SULT1E1: variants seen among roughly 807,000 people sequenced by gnomAD.
The protein encoded by SULT1E1 is sulfotransferase family 1E member 1.
In SULT1E1, 36 loss-of-function variants were observed where a neutral mutation model predicts 33.6. The ratio of observed to expected loss-of-function variants is 1.07; its 90% CI spans 0.82 to 1.41. The LOEUF (loss-of-function observed/expected upper bound fraction) is 1.41. Ranked by LOEUF, SULT1E1 falls within the 40% of genes most tolerant of loss-of-function variation. SULT1E1 has a pLI of 0.00. For synonymous variants in SULT1E1, 121 were observed against 111.7 expected, an observed-to-expected ratio of 1.08 and a Z score of -0.53; for missense variants, 371 against 345.7, an observed-to-expected ratio of 1.07 and a Z score of -0.58.
chr4:69,857,500 CAGATT>C lies in SULT1E1; in HGVS notation c.140_144del (p.Lys47ArgfsTer6). On this transcript the variant is annotated frameshift_variant and splice_region_variant, in exon 2 of 8. Coordinates refer to ENST00000226444, the MANE Select transcript of SULT1E1 (RefSeq NM_005420.3). LOFTEE classifies it high-confidence loss of function. ...AAAAAAGAACAACAAAGAGATTTAC[CAGATT>C]TAGGGTAGGTGGCAATGACAAGATC... is the stretch of plus-strand genomic sequence containing the variant. The C allele has an allele frequency of 6.3e-7, 1 of 1,586,982 alleles. No individual in the cohort carries two copies. Among genetic ancestry groups the C allele is most frequent in the Non-Finnish European group, 8.5e-7 (1 of 1,172,350 alleles).
At chr4:69,828,404 G>A in the SULT1E1 span, among the ~76,000 whole-genome samples, 10 of 152,082 alleles carry the variant, frequency 6.6e-5, no homozygotes, top group South Asian at 1.9e-3. Flanking sequence ...AACCCACCAG[G>A]AGGAACAAAC....
intron 6 of SULT1E1, among the ~76,000 whole-genome samples, chr4:69,845,298 G>A (rs11573786): frequency 0.039 from 5,880 of 151,886 alleles, 130 homozygotes; most frequent in Admixed American, 0.061. Flanking sequence ...TCATTGGAAT[G>A]TTTGTAACAT....
the SULT1E1 span, among the ~76,000 whole-genome samples, chr4:69,823,686 A>T: frequency 6.6e-6 from 1 of 152,184 alleles, no homozygotes; most frequent in Non-Finnish European, 1.5e-5. Context: ...CCCCATGAAC[A>T]TGCCAAGTGG....
chr4:69,829,131 G>T, the SULT1E1 span, among the ~76,000 whole-genome samples: 8 of 152,160 alleles, frequency 5.3e-5, no homozygotes, highest in East Asian at 1.5e-3. Context: ...GGCACTTGCT[G>T]GAATATGTCC....
In SULT1E1 at chr4:69,844,187, T is replaced by A; in HGVS notation, c.746A>T (p.Gln249Leu). 1.2e-6 allele frequency: 2 copies of A among 1,614,016 alleles called. No individual in the cohort carries two copies. The highest frequency in any genetic ancestry group is 1.7e-6 in the Non-Finnish European group (2 of 1,179,932). ...YTTLPDEIMN[Q>L]KLSPFMRKGI... ...CTTTCTCATGAAGGGCGACAATTTC[T>A]GGTTCATAATTTCGTCTGGCAGTGT... The change falls in exon 7 of 8, where the codon CAG (glutamine) becomes CTG (leucine). Residue 249 changes from glutamine (Q) to leucine (L), a missense_variant. Coordinates refer to ENST00000226444, the MANE Select transcript of SULT1E1 (RefSeq NM_005420.3).
At chr4:69,823,516 A>G in the SULT1E1 span, among the ~76,000 whole-genome samples, 145 of 152,020 alleles carry the variant, frequency 9.5e-4, no homozygotes, top group African/African-American at 3.5e-3. Flanking sequence ...CTGCCTTTCT[A>G]TTTCCTTTAG....
the SULT1E1 span, among the ~76,000 whole-genome samples, chr4:69,825,478 T>G: frequency 6.6e-6 from 1 of 152,142 alleles, no homozygotes; most frequent in South Asian, 2.1e-4. Flanking sequence ...GTCCTATTTT[T>G]CCTTAGAATT....
At chr4:69,830,097 A>G in the SULT1E1 span, among the ~76,000 whole-genome samples, 6 of 152,204 alleles carry the variant, frequency 3.9e-5, no homozygotes, top group South Asian at 6.2e-4. Flanking sequence ...CACTGGGTCC[A>G]TTGATCTCTT....
At chr4:69,857,860 G>T (rs1293927306) in intron 1 of SULT1E1, among the ~76,000 whole-genome samples, 1 of 152,046 alleles carries the variant, frequency 6.6e-6, no homozygotes, top group Non-Finnish European at 1.5e-5. Flanking sequence ...ACACATAAAA[G>T]AATAGGAAAG....
chr4:69,843,374 T>C (rs1200692332), intron 7 of SULT1E1, among the ~76,000 whole-genome samples: 1 of 152,200 alleles, frequency 6.6e-6, no homozygotes, highest in Non-Finnish European at 1.5e-5. Flanking sequence ...AAAGAGTACA[T>C]AATTAAAATA....
chr4:69,844,241 A>C lies in SULT1E1; in HGVS notation c.692T>G (p.Met231Arg). ...GTAATTTGTGGATGGATTGTTCTTCATCTCTTGGAACGAAGTATGATGTAT... is the reference window on the plus strand; with the variant it reads ...GTAATTTGTGGATGGATTGTTCTTCCTCTCTTGGAACGAAGTATGATGTAT... ...RIIHHTSFQEMKNNPSTNYTT... is the reference protein window; with the variant it reads ...RIIHHTSFQERKNNPSTNYTT... Residue 231 changes from methionine to arginine, a missense_variant, in exon 7 of 8, where the codon ATG (methionine) becomes AGG (arginine). By Grantham distance (91) the Met-to-Arg change is moderately conservative. Transcript: ENST00000226444. 6.2e-7 allele frequency: 1 copy of C among 1,613,872 alleles called. No individual in the cohort carries two copies. Among genetic ancestry groups the C allele is most frequent in the Non-Finnish European group, 8.5e-7 (1 of 1,179,874 alleles).
downstream of SULT1E1, among the ~76,000 whole-genome samples, chr4:69,839,382 G>A (rs1720842689): frequency 6.6e-6 from 1 of 152,136 alleles, no homozygotes; most frequent in South Asian, 2.1e-4. Flanking sequence ...TGGCAATAAT[G>A]AACCCACTCC....
chr4:69,856,001 T>G (rs973171151), intron 2 of SULT1E1, among the ~76,000 whole-genome samples: 2 of 152,228 alleles, frequency 1.3e-5, no homozygotes, highest in Non-Finnish European at 2.9e-5. Context: ...CTACTGTTGT[T>G]GCTGCTGACA....
chr4:69,833,372 G>C, the SULT1E1 span, among the ~76,000 whole-genome samples: 1 of 152,162 alleles, frequency 6.6e-6, no homozygotes, highest in Non-Finnish European at 1.5e-5. Context: ...GCCAGAATAG[G>C]CATGCTTTTG....
chr4:69,844,378 A>T, intron 6 of SULT1E1, 37 bp from the exon 7 acceptor site: 1 of 1,486,032 alleles, frequency 6.7e-7, no homozygotes, highest in South Asian at 1.2e-5. Flanking sequence ...TAAATTGCTA[A>T]AACTGAATAA....
At position 69,849,398 on chromosome 4, in the gene SULT1E1, A is replaced by G. The variant is rs199903429; in HGVS notation, c.496+39T>C. 114 of 1,598,302 alleles carry G rather than the reference A, an allele frequency of 7.1e-5. No individual in the cohort carries two copies. The East Asian group carries it at 1.7e-3, about 25-fold the overall frequency. On this transcript the variant is annotated intron_variant, in intron 5 of 7. Coordinates refer to ENST00000226444, the MANE Select transcript of SULT1E1 (RefSeq NM_005420.3). ...TTGGAGATGGCATTTGTCTTATAAA[A>G]CCTTGAAAAAAAATTCAGTGTAAAG...
chr4:69,837,903 T>G (rs1234524580), downstream of SULT1E1, among the ~76,000 whole-genome samples: 1 of 152,250 alleles, frequency 6.6e-6, no homozygotes, highest in African/African-American at 2.4e-5. Flanking sequence ...TAAAATTCAC[T>G]GAAGTCATCT....
chr4:69,849,384 A>G (rs1345155847), intron 5 of SULT1E1, 53 bp downstream of exon 5: 2 of 1,588,354 alleles, frequency 1.3e-6, no homozygotes, highest in African/African-American at 1.4e-5. Flanking sequence ...TGGAGATGGC[A>G]TTTGTCTTAT....
chr4:69,855,296 G>C lies in SULT1E1; in HGVS notation c.271+5C>G. 1 of 1,610,086 alleles carries C rather than the reference G, an allele frequency of 6.2e-7. No homozygotes were observed. Among genetic ancestry groups the C allele is most frequent in the Non-Finnish European group, 8.5e-7 (1 of 1,178,084 alleles). On this transcript the variant is annotated splice_donor_5th_base_variant and intron_variant, in intron 3 of 7. Transcript: ENST00000226444. Reference sequence around the variant, plus strand: ...AATAGTTTTTAAAATCAACTTGAACGTTACCATTCATGAGGTTTTCTTTTC... The same window carrying C: ...AATAGTTTTTAAAATCAACTTGAACCTTACCATTCATGAGGTTTTCTTTTC...
Sources: gnomAD v4.1 joint callset for allele counts (sites outside exome capture counted in the v4.1 genomes callset) on GRCh38, gnomAD v4.1.1 for gene constraint, MANE v1.5 for transcripts, NCBI Gene and HGNC (gene_info 2026-07-23, HGNC 2026-07-21) for gene names.